AGBL4: variants seen among roughly 807,000 people sequenced by gnomAD.
The protein encoded by AGBL4 is cytosolic carboxypeptidase 6.
A neutral mutation model predicts 66.4 loss-of-function variants in AGBL4; 58 were observed. That is an observed-to-expected ratio of 0.87 (90% CI 0.71 to 1.09). The LOEUF (loss-of-function observed/expected upper bound fraction) is 1.09, where lower values mean the gene tolerates loss of function less well. AGBL4 is among the 50% of genes least tolerant of loss of function. The pLI is 0.00. For synonymous variants in AGBL4, 234 were observed against 222.9 expected (o/e 1.05, Z -0.44); for missense variants, 579 against 631.0 (o/e 0.92, Z 0.88).
intron 5 of AGBL4, among the ~76,000 whole-genome samples, chr1:48,945,690 C>T (rs898755840): frequency 6.6e-6 from 1 of 152,126 alleles, no homozygotes; most frequent in Non-Finnish European, 1.5e-5. Flanking sequence ...AAATCTGACT[C>T]GACTCTGTAT....
chr1:48,794,274 C>T (rs1645617265), intron 6 of AGBL4, among the ~76,000 whole-genome samples: 1 of 152,118 alleles, frequency 6.6e-6, no homozygotes, highest in African/African-American at 2.4e-5. Context: ...CTATGCTCTC[C>T]CACTGGATCT....
intron 1 of AGBL4, among the ~76,000 whole-genome samples, chr1:50,022,503 A>G (rs914847101): frequency 6.6e-6 from 1 of 152,096 alleles, no homozygotes; most frequent in African/African-American, 2.4e-5. Flanking sequence ...GGTGCCATGA[A>G]AGAAAGAGAA....
At chr1:49,883,670 T>A (rs866476545) in intron 1 of AGBL4, among the ~76,000 whole-genome samples, 3 of 152,210 alleles carry the variant, frequency 2.0e-5, no homozygotes, top group Middle Eastern at 3.4e-3. Flanking sequence ...TTTTTGCTTA[T>A]CTGTTAAGAG....
intron 2 of AGBL4, among the ~76,000 whole-genome samples, chr1:49,729,838 C>A (rs1571421062): frequency 6.6e-6 from 1 of 152,094 alleles, no homozygotes; most frequent in East Asian, 1.9e-4. Flanking sequence ...ACAGCAGCGA[C>A]CCATCCCTGT....
intron 8 of AGBL4, among the ~76,000 whole-genome samples, chr1:48,644,557 G>A (rs558521677): frequency 6.6e-6 from 1 of 152,180 alleles, no homozygotes; most frequent in Admixed American, 6.5e-5. Context: ...AGGGAAAAAA[G>A]AAGAGAGGGA....
Position 48,533,704 on chromosome 1 carries a change from G to T in AGBL4, c.*469C>A. The T allele has an allele frequency of 5.5e-6, 1 of 181,000 alleles. No homozygotes were observed. The highest frequency in any genetic ancestry group is 1.6e-4 in the East Asian group (1 of 6,274). The allele number at this position is 181,000 out of a possible 1,614,324, so 11.2% of individuals were successfully genotyped here. A position where few individuals can be genotyped will look rare whatever the true frequency, so the allele number is the denominator to read the frequency against. On this transcript the variant is annotated 3_prime_UTR_variant, in exon 14 of 14. Coordinates refer to ENST00000371839, the MANE Select transcript of AGBL4 (RefSeq NM_032785.4). ...GTTCCCTAGGATGCATTTGCCCTTT[G>T]GTTGCATGTGTTGTTGCTGTTGTTT...
At chr1:49,269,298 C>T (rs1192898365) in intron 3 of AGBL4, 1 of 152,130 alleles carries the variant, frequency 6.6e-6, no homozygotes, top group Non-Finnish European at 1.5e-5. Flanking sequence ...CTGTCTTAAG[C>T]CACTGGTTTT....
chr1:49,583,972 C>T (rs986205172), intron 3 of AGBL4, among the ~76,000 whole-genome samples: 1 of 152,168 alleles, frequency 6.6e-6, no homozygotes, highest in Non-Finnish European at 1.5e-5. Context: ...CTAGATTCCT[C>T]CAAGTCAGCT....
At chr1:49,566,242 C>T (rs541920061) in intron 3 of AGBL4, among the ~76,000 whole-genome samples, 22 of 152,098 alleles carry the variant, frequency 1.4e-4, no homozygotes, top group Non-Finnish European at 2.5e-4. Context: ...GCCATTGGTT[C>T]GAATTTCCTC....
At chr1:49,396,375 T>C (rs900686371) in intron 3 of AGBL4, among the ~76,000 whole-genome samples, 1 of 151,720 alleles carries the variant, frequency 6.6e-6, no homozygotes, top group African/African-American at 2.4e-5. Context: ...AATGTGTGTG[T>C]GTGTGCGTGT....
chr1:48,651,466 C>T (rs952583776), intron 8 of AGBL4, among the ~76,000 whole-genome samples: 10 of 152,110 alleles, frequency 6.6e-5, no homozygotes, highest in African/African-American at 1.9e-4. Flanking sequence ...TCTCTCTGAC[C>T]GCTGCTCTTG....
chr1:49,966,629 T>A (rs1657586104), intron 1 of AGBL4, among the ~76,000 whole-genome samples: 1 of 152,010 alleles, frequency 6.6e-6, no homozygotes, highest in Admixed American at 6.6e-5. Flanking sequence ...CTTTTCTGCT[T>A]GTCAGTTTAT....
At chr1:49,307,923 C>G (rs910152863) in intron 3 of AGBL4, among the ~76,000 whole-genome samples, 1 of 152,142 alleles carries the variant, frequency 6.6e-6, no homozygotes, top group Non-Finnish European at 1.5e-5. Flanking sequence ...AAATCACATG[C>G]GGAACTGTAA....
chr1:49,347,088 C>G (rs1570485597), intron 3 of AGBL4, among the ~76,000 whole-genome samples: 1 of 152,084 alleles, frequency 6.6e-6, no homozygotes, highest in South Asian at 2.1e-4. Flanking sequence ...CCAGTAGTTA[C>G]ACAAAGATTA....
In AGBL4 at chr1:49,022,933, A is replaced by C. The variant is rs557536204; in HGVS notation, c.594+22651T>G. Among the ~76,000 whole-genome samples, 49 of 152,340 alleles carry C rather than the reference A, an allele frequency of 3.2e-4. 1 individual carries two copies. The highest frequency in any genetic ancestry group is 1.1e-3 in the African/African-American group (47 of 41,590). On this transcript the variant is annotated intron_variant, in intron 5 of 13. Transcript: ENST00000371839. ...CAAATGAGGCAACTGGGGATCAAAG[A>C]GTTTAATGAACTTGTCCAGAGATAA... is the stretch of plus-strand genomic sequence containing the variant.
chr1:49,576,472 T>C (rs940468464), intron 3 of AGBL4, among the ~76,000 whole-genome samples: 4 of 152,236 alleles, frequency 2.6e-5, no homozygotes, highest in Non-Finnish European at 5.9e-5. Flanking sequence ...TGCCATTTTC[T>C]GCACATAACT....
At chr1:49,597,184 A>G (rs1485809919) in intron 3 of AGBL4, among the ~76,000 whole-genome samples, 6 of 152,212 alleles carry the variant, frequency 3.9e-5, no homozygotes, top group African/African-American at 1.4e-4. Context: ...TTAAGAATCA[A>G]TTAGATAAGA....
At chr1:49,692,589 G>A (rs1646910213) in intron 3 of AGBL4, among the ~76,000 whole-genome samples, 1 of 152,084 alleles carries the variant, frequency 6.6e-6, no homozygotes, top group Non-Finnish European at 1.5e-5. Flanking sequence ...ATGGTGGCAG[G>A]TGCCTGTGGT....
At chr1:49,101,312 T>C (rs951275489) in intron 4 of AGBL4, among the ~76,000 whole-genome samples, 41 of 152,070 alleles carry the variant, frequency 2.7e-4, no homozygotes, top group African/African-American at 9.9e-4. Context: ...CTCAGCCTCC[T>C]GAGGAGCTGA....
Sources: gnomAD v4.1 joint callset for allele counts (sites outside exome capture counted in the v4.1 genomes callset) on GRCh38, gnomAD v4.1.1 for gene constraint, MANE v1.5 for transcripts, NCBI Gene and HGNC (gene_info 2026-07-23, HGNC 2026-07-21) for gene names.